TNFRSF9: variants seen among roughly 807,000 people sequenced by gnomAD.
TNFRSF9 encodes TNF receptor superfamily member 9, also known as tumor necrosis factor receptor superfamily member 9.
A neutral mutation model predicts 28.8 loss-of-function variants in TNFRSF9; 16 were observed. That is an observed-to-expected ratio of 0.55 (90% CI 0.38 to 0.84). TNFRSF9 has a LOEUF of 0.84. Among genes scored for constraint, TNFRSF9 ranks in the 40% least tolerant of loss-of-function variants. TNFRSF9 has a pLI of 0.00. For missense variants in TNFRSF9, 303 were observed against 315.0 expected, an observed-to-expected ratio of 0.96 and a Z score of 0.29; for synonymous variants, 131 against 117.0, an observed-to-expected ratio of 1.12 and a Z score of -0.77.
intron 7 of TNFRSF9, among the ~76,000 whole-genome samples, chr1:7,927,768 A>T (rs191770776): frequency 1.3e-5 from 2 of 152,244 alleles, no homozygotes; most frequent in Admixed American, 1.3e-4. Context: ...CCCAGGACTC[A>T]GTGAAGAATT....
chr1:7,922,871 G>A lies in TNFRSF9; in HGVS notation c.680-1948C>T, dbSNP rs149883013. ...CTCTCTAGTTATGAGACCAGGAAAG[G>A]GGCAGCATAGCAAGACTACAAACTT... On this transcript the variant is annotated intron_variant, in intron 7 of 7. Transcript: ENST00000377507. Among the ~76,000 whole-genome samples the A allele has an allele frequency of 9.2e-3, 1,398 of 151,660 alleles. 25 individuals carry two copies. The highest frequency in any genetic ancestry group is 0.032 in the African/African-American group (1,333 of 41,302).
intron 5 of TNFRSF9, chr1:7,936,633 C>CA (rs1225714445): frequency 1.3e-5 from 2 of 151,982 alleles, no homozygotes; most frequent in African/African-American, 2.4e-5. Flanking sequence ...TATTTTCTCT[C>CA]AAAAAAGTCA....
Position 7,938,903 on chromosome 1 carries a change from T to G in TNFRSF9, c.101-75A>C, listed in dbSNP as rs226476. On this transcript the variant is annotated intron_variant, in intron 2 of 7. Coordinates refer to ENST00000377507, the MANE Select transcript of TNFRSF9 (RefSeq NM_001561.6). Reference sequence around the variant, plus strand: ...ACCCAAGGCATTCCGAAGTTTACAATAAAATAAGATTATAAAAGAATGATG... The same window carrying G: ...ACCCAAGGCATTCCGAAGTTTACAAGAAAATAAGATTATAAAAGAATGATG... The G allele has an allele frequency of 0.97, 978,549 of 1,013,220 alleles. 472,731 individuals are homozygous for G. The highest frequency in any genetic ancestry group is 1 in the East Asian group (40,424 of 40,434). 62.8% of individuals were successfully genotyped at this position (1,013,220 alleles called of 1,614,324 possible).
rs767292376 is a variant in TNFRSF9, at chr1:7,937,774, A to G, written c.347-18T>C. 16 of 1,603,040 alleles carry G rather than the reference A, an allele frequency of 1.0e-5. No homozygotes were observed. In the African/African-American group the frequency reaches 1.9e-4, roughly 19 times the overall value. On this transcript the variant is annotated intron_variant, in intron 4 of 7. Transcript: ENST00000377507. ...TTTACAACCTTGTATTAAAAATGAA[A>G]GCAATAATAAAAGGGAAGCATTTTC...
At chr1:7,937,649 C>A (rs1639840228) in intron 5 of TNFRSF9, 41 bp downstream of exon 5, 5 of 1,560,546 alleles carry the variant, frequency 3.2e-6, no homozygotes, top group Non-Finnish European at 4.4e-6. Flanking sequence ...AAAATTTAAC[C>A]CAGATTCTTT....
rs1045344331 is a variant in TNFRSF9 at position 7,916,264 on chromosome 1, T to C, written c.*4571A>G. The C allele has an allele frequency of 1.3e-5, 2 of 152,236 alleles. No homozygotes were observed. The highest frequency in any genetic ancestry group is 4.8e-5 in the African/African-American group (2 of 41,466). 9.4% of individuals were successfully genotyped at this position (152,236 alleles called of 1,614,324 possible). On this transcript the variant is annotated 3_prime_UTR_variant, in exon 8 of 8. Coordinates refer to ENST00000377507, the MANE Select transcript of TNFRSF9 (RefSeq NM_001561.6). Reference sequence around the variant, plus strand: ...TTACATTTATTTCTATTAAACCTAATTATGGAACTTTCTAAATTAAACCCA... The same window carrying C: ...TTACATTTATTTCTATTAAACCTAACTATGGAACTTTCTAAATTAAACCCA...
intron 6 of TNFRSF9, among the ~76,000 whole-genome samples, chr1:7,934,016 A>AC (rs1180361563): frequency 5.3e-5 from 8 of 150,964 alleles, no homozygotes; most frequent in African/African-American, 1.2e-4. Flanking sequence ...GACTCTGTCC[A>AC]CCCCCCCAAA....
At position 7,919,473 on chromosome 1, in the gene TNFRSF9, T is replaced by A. The variant is rs1639526938; in HGVS notation, c.*1362A>T. ...AAGATTGTACCACTGTACTCCAGCCTGGGAGACAGAGTGAGACACTGTCTC... is the reference window on the plus strand; with the variant it reads ...AAGATTGTACCACTGTACTCCAGCCAGGGAGACAGAGTGAGACACTGTCTC... On this transcript the variant is annotated 3_prime_UTR_variant, in exon 8 of 8. Coordinates refer to ENST00000377507, the MANE Select transcript of TNFRSF9 (RefSeq NM_001561.6). The A allele has an allele frequency of 6.6e-6, 1 of 152,104 alleles. No homozygotes were observed. Among genetic ancestry groups the A allele is most frequent in the African/African-American group, 2.4e-5 (1 of 41,414 alleles). 9.4% of individuals were successfully genotyped at this position (152,104 alleles called of 1,614,324 possible).
intron 7 of TNFRSF9, among the ~76,000 whole-genome samples, chr1:7,923,895 T>C (rs1639598480): frequency 6.6e-6 from 1 of 152,088 alleles, no homozygotes; most frequent in Non-Finnish European, 1.5e-5. Context: ...CATACAGAAC[T>C]TGTATAGTGA....
intron 6 of TNFRSF9, 64 bp downstream of exon 6, chr1:7,934,949 A>G: frequency 6.3e-7 from 1 of 1,593,542 alleles, no homozygotes; most frequent in Non-Finnish European, 8.6e-7. Flanking sequence ...TATTGGGGCA[A>G]TTTAGATACA....
chr1:7,932,734 T>TAC (rs3841802), intron 7 of TNFRSF9, among the ~76,000 whole-genome samples: 17,728 of 148,276 alleles, frequency 0.12, 2,089 homozygotes, highest in East Asian at 0.51. Context: ...CACACACACA[T>TAC]ACACACACAC....
chr1:7,922,254 A>T (rs886160140), intron 7 of TNFRSF9, among the ~76,000 whole-genome samples: 5 of 152,192 alleles, frequency 3.3e-5, no homozygotes, highest in African/African-American at 1.2e-4. Context: ...TACCAACGGG[A>T]TGTCTTTTGA....
chr1:7,940,071 A>C lies in TNFRSF9; in HGVS notation c.-77T>G. 1.2e-5 allele frequency: 12 copies of C among 1,022,102 alleles called. No homozygotes were observed. The highest frequency in any genetic ancestry group is 1.6e-5 in the Non-Finnish European group (11 of 670,736). The allele number at this position is 1,022,102 out of a possible 1,614,324, so 63.3% of individuals were successfully genotyped here. A position where few individuals can be genotyped will look rare whatever the true frequency, so the allele number is the denominator to read the frequency against. ...TTAATCAAATTAGCTGGTCTCACAA[A>C]TGTCACTCTGCAAAAGATAAACATT... is the stretch of plus-strand genomic sequence containing the variant. On this transcript the variant is annotated 5_prime_UTR_variant, in exon 2 of 8. Coordinates refer to ENST00000377507, the MANE Select transcript of TNFRSF9 (RefSeq NM_001561.6).
chr1:7,934,205 G>A (rs895144785), intron 6 of TNFRSF9, among the ~76,000 whole-genome samples: 1 of 151,844 alleles, frequency 6.6e-6, no homozygotes, highest in African/African-American at 2.4e-5. Flanking sequence ...GCAAGACCCC[G>A]ACTCTGCCAA....
At chr1:7,930,066 T>C (rs986743058) in intron 7 of TNFRSF9, among the ~76,000 whole-genome samples, 2 of 140,788 alleles carry the variant, frequency 1.4e-5, no homozygotes, top group Non-Finnish European at 3.0e-5. Context: ...ACCTCCCGGG[T>C]TCAAGCGATT....
At chr1:7,933,439 A>G in intron 6 of TNFRSF9, 143 bp from the exon 7 acceptor site, 2 of 1,065,420 alleles carry the variant, frequency 1.9e-6, no homozygotes, top group Non-Finnish European at 2.6e-6. Flanking sequence ...GAGTAAACTT[A>G]GAAAACTTTT....
intron 7 of TNFRSF9, among the ~76,000 whole-genome samples, chr1:7,923,285 G>A (rs1035332472): frequency 6.6e-6 from 1 of 152,180 alleles, no homozygotes; most frequent in African/African-American, 2.4e-5. Flanking sequence ...CACCAGGAAG[G>A]ACTGAGTAGA....
intron 7 of TNFRSF9, among the ~76,000 whole-genome samples, chr1:7,929,967 C>CTTTTTTTT (rs56299901): frequency 8.8e-6 from 1 of 113,110 alleles, no homozygotes; most frequent in African/African-American, 3.5e-5. Flanking sequence ...GACCTAAAAC[C>CTTTTTTTT]TTTTTTTTTT....
intron 6 of TNFRSF9, 140 bp from the exon 7 acceptor site, chr1:7,933,436 C>G: frequency 1.9e-6 from 2 of 1,066,882 alleles, no homozygotes; most frequent in South Asian, 1.8e-5. Flanking sequence ...ATGGAGTAAA[C>G]TTAGAAAACT....
Sources: allele counts gnomAD v4.1 joint callset (sites outside exome capture counted in the v4.1 genomes callset), GRCh38; gene constraint gnomAD v4.1.1; transcripts MANE v1.5; gene names NCBI Gene and HGNC (gene_info 2026-07-23, HGNC 2026-07-21).